The following CDH8 variants were observed in gnomAD, a reference collection of about 807,000 sequenced individuals.
CDH8 encodes cadherin 8.
In CDH8, 17 loss-of-function variants were observed where a neutral mutation model predicts 68.1. The observed-to-expected ratio is 0.25, with a 90% CI of 0.17 to 0.37. CDH8 has a LOEUF of 0.37. CDH8 is among the 10% of genes least tolerant of loss of function. CDH8 has a pLI of 1.00. For synonymous variants in CDH8, 372 were observed against 365.1 expected, an observed-to-expected ratio of 1.02 and a Z score of -0.21; for missense variants, 763 against 999.3, an observed-to-expected ratio of 0.76 and a Z score of 3.19.
At chr16:61,783,401 G>C (rs1192524511) in intron 8 of CDH8, among the ~76,000 whole-genome samples, 13 of 149,854 alleles carry the variant, frequency 8.7e-5, no homozygotes, top group African/African-American at 2.9e-4. Context: ...AGAATAAAAA[G>C]AAATGAGCAA....
chr16:61,861,025 G>A (rs576705710), intron 3 of CDH8, among the ~76,000 whole-genome samples: 5 of 152,202 alleles, frequency 3.3e-5, no homozygotes, highest in South Asian at 2.1e-4. Context: ...GGGTTATTGT[G>A]AGAATTAAAC....
chr16:61,678,743 T>A lies in CDH8; in HGVS notation c.1655-23022A>T, dbSNP rs919772134. 2.0e-5 allele frequency among the ~76,000 whole-genome samples: 3 copies of A among 152,166 alleles called. No homozygotes were observed. The East Asian group carries it at 5.8e-4, about 30-fold the overall frequency. On this transcript the variant is annotated intron_variant, in intron 10 of 11. Coordinates refer to ENST00000577390, the MANE Select transcript of CDH8 (RefSeq NM_001796.5). ...ACATGTTAATGCCTTCTAATGACCC[T>A]CTTTGAGTTCTCTTACTGGTAAAAT...
At chr16:61,865,785 A>G (rs893125422) in intron 3 of CDH8, among the ~76,000 whole-genome samples, 1 of 152,232 alleles carries the variant, frequency 6.6e-6, no homozygotes. Flanking sequence ...TTTGTTACCT[A>G]TGGAATGAAA....
intron 1 of CDH8, among the ~76,000 whole-genome samples, chr16:62,026,635 C>T (rs928801672): frequency 1.3e-5 from 2 of 152,212 alleles, no homozygotes; most frequent in African/African-American, 4.8e-5. Context: ...TGTGACAATA[C>T]TTTCCTCTCC....
chr16:61,658,619 C>T (rs573699776), intron 10 of CDH8, among the ~76,000 whole-genome samples: 187 of 151,966 alleles, frequency 1.2e-3, no homozygotes, highest in Non-Finnish European at 2.1e-3. Flanking sequence ...CCATGAATAC[C>T]CTGTTTCTTA....
intron 10 of CDH8, among the ~76,000 whole-genome samples, chr16:61,688,538 G>C (rs935635168): frequency 6.6e-6 from 1 of 151,860 alleles, no homozygotes; most frequent in Non-Finnish European, 1.5e-5. Flanking sequence ...TGTACTTACT[G>C]TCTACAATAA....
intron 1 of CDH8, among the ~76,000 whole-genome samples, chr16:62,034,161 GC>G (rs934859562): frequency 6.7e-6 from 1 of 148,990 alleles, no homozygotes; most frequent in Non-Finnish European, 1.5e-5. Flanking sequence ...CCCACTCCCA[GC>G]CCCCACCTCA....
At chr16:62,012,713 T>C (rs538646404) in intron 2 of CDH8, among the ~76,000 whole-genome samples, 42 of 152,352 alleles carry the variant, frequency 2.8e-4, no homozygotes, top group African/African-American at 9.4e-4. Flanking sequence ...GGAAAAAAGA[T>C]TGAATATATT....
At chr16:61,934,485 A>G (rs933651942) in intron 2 of CDH8, among the ~76,000 whole-genome samples, 9 of 152,158 alleles carry the variant, frequency 5.9e-5, no homozygotes, top group Non-Finnish European at 1.3e-4. Flanking sequence ...CATGGGTTGT[A>G]TGTCACCCAC....
At chr16:61,801,828 C>T (rs527606286) in intron 7 of CDH8, among the ~76,000 whole-genome samples, 53 of 152,320 alleles carry the variant, frequency 3.5e-4, no homozygotes, top group South Asian at 2.5e-3. Context: ...CCCACGGAGT[C>T]TCGCTGATTT....
At chr16:61,921,270 A>G (rs1964362271) in intron 2 of CDH8, among the ~76,000 whole-genome samples, 1 of 147,506 alleles carries the variant, frequency 6.8e-6, no homozygotes, top group Non-Finnish European at 1.5e-5. Flanking sequence ...TAATAATAAT[A>G]ATAAAAGAAA....
chr16:61,739,386 C>A (rs1054602530), intron 8 of CDH8, among the ~76,000 whole-genome samples: 1 of 151,934 alleles, frequency 6.6e-6, no homozygotes, highest in Non-Finnish European at 1.5e-5. Context: ...TTACTAGATA[C>A]GAAAGCTAAT....
rs546929109 is a variant in CDH8 at position 61,862,316 on chromosome 16, G to A, written c.548-5078C>T. Among the ~76,000 whole-genome samples the A allele has an allele frequency of 3.3e-5, 5 of 152,248 alleles. No homozygotes were observed. The South Asian group carries it at 1.0e-3, about 32-fold the overall frequency. ...GTAAAAGCTTATACATTAAGCAGGA[G>A]GCTAGACACCGGGCACATCATCAGT... On this transcript the variant is annotated intron_variant, in intron 3 of 11. Transcript: ENST00000577390.
At chr16:62,006,194 T>C (rs976281825) in intron 2 of CDH8, among the ~76,000 whole-genome samples, 8 of 152,174 alleles carry the variant, frequency 5.3e-5, no homozygotes, top group Admixed American at 2.6e-4. Flanking sequence ...TCTGGGTTAT[T>C]GGGATGATCA....
Position 61,901,439 on chromosome 16 carries a change from A to AT in CDH8, c.286dup (p.Ile96AsnfsTer8). On this transcript the variant is annotated frameshift_variant, in exon 3 of 12. Transcript: ENST00000577390. LOFTEE classifies it high-confidence loss of function. ...TCCATCACCTGATAGGATATACTTG[A>AT]TTTTTTTGCTCCCAGGATCCAGGTC... 6.2e-7 allele frequency: 1 copy of AT among 1,613,506 alleles called. No individual in the cohort carries two copies. Among genetic ancestry groups the AT allele is most frequent in the Non-Finnish European group, 8.5e-7 (1 of 1,179,592 alleles).
At chr16:61,831,117 A>C (rs1460278994) in intron 4 of CDH8, among the ~76,000 whole-genome samples, 2 of 151,792 alleles carry the variant, frequency 1.3e-5, no homozygotes, top group Non-Finnish European at 2.9e-5. Flanking sequence ...TCAGTAGCTT[A>C]AGTTGCATAG....
At chr16:61,809,050 G>A (rs1048024259) in intron 7 of CDH8, among the ~76,000 whole-genome samples, 1 of 152,086 alleles carries the variant, frequency 6.6e-6, no homozygotes, top group African/African-American at 2.4e-5. Context: ...GACGGGCATG[G>A]TGGCCCATGC....
intron 1 of CDH8, among the ~76,000 whole-genome samples, chr16:62,023,289 G>T (rs1250711825): frequency 2.0e-5 from 3 of 152,090 alleles, no homozygotes; most frequent in Admixed American, 2.0e-4. Flanking sequence ...CGAGAAGTTG[G>T]TGATAAGGCA....
At chr16:61,769,935 G>T (rs1171361353) in intron 8 of CDH8, among the ~76,000 whole-genome samples, 1 of 151,808 alleles carries the variant, frequency 6.6e-6, no homozygotes, top group African/African-American at 2.4e-5. Flanking sequence ...GCGAATAATG[G>T]TGCATTTGAA....
Sources: gnomAD v4.1 joint callset for allele counts (sites outside exome capture counted in the v4.1 genomes callset) on GRCh38, gnomAD v4.1.1 for gene constraint, MANE v1.5 for transcripts, NCBI Gene and HGNC (gene_info 2026-07-23, HGNC 2026-07-21) for gene names.